MTBP: variants seen among roughly 807,000 people sequenced by gnomAD.
MTBP encodes the protein mdm2-binding protein.
MTBP carries 101 observed loss-of-function variants against 117.0 expected under a neutral mutation model. That is an observed-to-expected ratio of 0.86 (90% CI 0.73 to 1.02). The LOEUF (loss-of-function observed/expected upper bound fraction) is 1.02. Ranked by LOEUF, MTBP falls within the 50% of genes least tolerant of loss-of-function variation. The pLI is 0.00. For synonymous variants in MTBP, 350 were observed against 351.5 expected (o/e 1.00, Z 0.05); for missense variants, 970 against 1,030.9 (o/e 0.94, Z 0.81).
At chr8:120,494,470 C>T (rs1226333522) in intron 13 of MTBP, among the ~76,000 whole-genome samples, 1 of 152,184 alleles carries the variant, frequency 6.6e-6, no homozygotes, top group Non-Finnish European at 1.5e-5. Context: ...ACTACCCATG[C>T]CTCCCCATCT....
At chr8:120,487,968 C>T (rs1442030616) in intron 11 of MTBP, among the ~76,000 whole-genome samples, 191 bp from the exon 12 acceptor site, 1 of 152,122 alleles carries the variant, frequency 6.6e-6, no homozygotes, top group Non-Finnish European at 1.5e-5. Flanking sequence ...AAGATTTATG[C>T]TTTGTAATTG....
chr8:120,501,977 TG>T (rs1468284300), intron 14 of MTBP, among the ~76,000 whole-genome samples: 1 of 152,202 alleles, frequency 6.6e-6, no homozygotes, highest in Non-Finnish European at 1.5e-5. Context: ...AAGGTGTGTA[TG>T]TTTAACCATC....
At chr8:120,510,069 G>T (rs371287907) in intron 17 of MTBP, 40 bp downstream of exon 17, 7 of 1,316,460 alleles carry the variant, frequency 5.3e-6, no homozygotes, top group Non-Finnish European at 7.6e-6. Context: ...GTATGTTGTT[G>T]ATACAGCCTG....
rs1466793307 is a variant in MTBP, at chr8:120,497,549, T to G, written c.1604T>G (p.Leu535Ter). Residue 535 changes from leucine (L) to a stop codon, truncating the protein, a stop_gained, in exon 14 of 22, where the codon TTA becomes TGA. Coordinates refer to ENST00000305949, the MANE Select transcript of MTBP (RefSeq NM_022045.5). LOFTEE classifies it high-confidence loss of function. ...GACAAAATTAAAACCTTCAATATAT[T>G]AAATGGTAAGTTTTTTATTACTTTA... ...KMDKIKTFNI[L>*]NDFSPVEPNS... is the part of the protein sequence containing the mutation. 6.8e-7 allele frequency: 1 copy of G among 1,474,730 alleles called. No homozygotes were observed. The highest frequency in any genetic ancestry group is 2.0e-4 in the Middle Eastern group (1 of 5,098). The allele number at this position is 1,474,730 out of a possible 1,614,324, so 91.4% of individuals were successfully genotyped here. A position where few individuals can be genotyped will look rare whatever the true frequency, so the allele number is the denominator to read the frequency against.
At chr8:120,512,285 T>C (rs533405589) in intron 17 of MTBP, among the ~76,000 whole-genome samples, 12 of 152,276 alleles carry the variant, frequency 7.9e-5, no homozygotes, top group African/African-American at 2.6e-4. Flanking sequence ...TCTTCAGCCC[T>C]ATAAACACAC....
chr8:120,490,330 A>G, intron 12 of MTBP, 133 bp from the exon 13 acceptor site: 1 of 590,076 alleles, frequency 1.7e-6, no homozygotes, highest in Non-Finnish European at 2.9e-6. Context: ...GAAATATGTA[A>G]GGTCGAGAGA....
chr8:120,453,832 AC>A lies in MTBP; in HGVS notation c.426-12del, dbSNP rs765015386. On this transcript the variant is annotated splice_polypyrimidine_tract_variant and intron_variant, in intron 4 of 21. Coordinates refer to ENST00000305949, the MANE Select transcript of MTBP (RefSeq NM_022045.5). Reference sequence around the variant, plus strand: ...TTATGGGGTTTTCTTTCCCTAACTTACCCTTTTATTTTAGTCTCTATGAAGA... The same window carrying A: ...TTATGGGGTTTTCTTTCCCTAACTTACCTTTTATTTTAGTCTCTATGAAGA... 8 of 1,468,668 alleles carry A rather than the reference AC, an allele frequency of 5.4e-6. No homozygotes were observed. In the Middle Eastern group the frequency reaches 6.3e-4, roughly 115 times the overall value. 91.0% of individuals were successfully genotyped at this position (1,468,668 alleles called of 1,614,324 possible). A position where few individuals can be genotyped will look rare whatever the true frequency, so the allele number is the denominator to read the frequency against.
At chr8:120,474,907 G>A (rs1256045051) in intron 11 of MTBP, among the ~76,000 whole-genome samples, 1 of 152,024 alleles carries the variant, frequency 6.6e-6, no homozygotes, top group Non-Finnish European at 1.5e-5. Context: ...GTATGCAATA[G>A]TTATGGTATT....
chr8:120,485,725 A>G (rs1273401070), intron 11 of MTBP, among the ~76,000 whole-genome samples: 1 of 152,196 alleles, frequency 6.6e-6, no homozygotes, highest in African/African-American at 2.4e-5. Context: ...ATGACAATTT[A>G]GGTAATATAT....
intron 15 of MTBP, among the ~76,000 whole-genome samples, chr8:120,502,838 A>G (rs1466704632): frequency 6.6e-6 from 1 of 152,236 alleles, no homozygotes; most frequent in Non-Finnish European, 1.5e-5. Context: ...GTGTCATCAC[A>G]GTGAACATTT....
intron 9 of MTBP, among the ~76,000 whole-genome samples, chr8:120,462,769 G>A (rs1008384653): frequency 1.3e-5 from 2 of 152,138 alleles, no homozygotes; most frequent in African/African-American, 4.8e-5. Context: ...GAGTTCTTCA[G>A]ATAATGGGAT....
In MTBP at chr8:120,495,591, T is replaced by C. The variant is rs562282517; in HGVS notation, c.1448-1802T>C. Among the ~76,000 whole-genome samples the C allele has an allele frequency of 7.2e-5, 11 of 152,258 alleles. No individual in the cohort carries two copies. The East Asian group carries it at 2.1e-3, about 29-fold the overall frequency. On this transcript the variant is annotated intron_variant, in intron 13 of 21. Coordinates refer to ENST00000305949, the MANE Select transcript of MTBP (RefSeq NM_022045.5). ...GGAGCTCTGGAGCTCTTACTAGATATTGACTTTTCTGGACAGAATGCCTGA... is the reference window on the plus strand; with the variant it reads ...GGAGCTCTGGAGCTCTTACTAGATACTGACTTTTCTGGACAGAATGCCTGA...
At chr8:120,449,657 C>T (rs952853273) in intron 2 of MTBP, among the ~76,000 whole-genome samples, 2 of 152,072 alleles carry the variant, frequency 1.3e-5, no homozygotes, top group African/African-American at 4.8e-5. Context: ...CAAACTGAAT[C>T]CCAGTATTTA....
At chr8:120,495,214 G>A (rs1226741185) in intron 13 of MTBP, among the ~76,000 whole-genome samples, 1 of 152,004 alleles carries the variant, frequency 6.6e-6, no homozygotes, top group African/African-American at 2.4e-5. Context: ...TAAAATTCTA[G>A]GTTAAAAATC....
At chr8:120,481,497 G>A (rs1178266255) in intron 11 of MTBP, among the ~76,000 whole-genome samples, 2 of 152,170 alleles carry the variant, frequency 1.3e-5, no homozygotes, top group African/African-American at 2.4e-5. Flanking sequence ...GGCATGAAAA[G>A]TTTGGAGTGT....
intron 1 of MTBP, 26 bp downstream of exon 1, chr8:120,445,614 G>A: frequency 6.4e-7 from 1 of 1,569,020 alleles, no homozygotes; most frequent in Admixed American, 1.9e-5. Context: ...AGAAAGAGCG[G>A]GAACGGCTTG....
intron 2 of MTBP, among the ~76,000 whole-genome samples, chr8:120,450,442 A>G (rs932549055): frequency 1.3e-5 from 2 of 152,156 alleles, no homozygotes; most frequent in Non-Finnish European, 1.5e-5. Flanking sequence ...TTTTGAGTCT[A>G]ATTTCTATAC....
At chr8:120,518,170 A>C in intron 19 of MTBP, 70 bp downstream of exon 19, 2 of 1,474,322 alleles carry the variant, frequency 1.4e-6, no homozygotes. Context: ...ACTTTAAAAT[A>C]TATGTCTAAA....
At position 120,518,748 on chromosome 8, in the gene MTBP, T is replaced by C; in HGVS notation, c.2541T>C (p.Ile847=). Residue 847 remains isoleucine (I), a synonymous_variant, in exon 20 of 22, where the codon ATT becomes ATC. Coordinates refer to ENST00000305949, the MANE Select transcript of MTBP (RefSeq NM_022045.5). ...CTGAAACCCTGAAGAAACACAGTAT[T>C]ACCGAGACTCATGAATGTTTCACTG... ...VVTETLKKHS[I]TETHECFTAC... 6.2e-7 allele frequency: 1 copy of C among 1,611,988 alleles called. No homozygotes were observed. Among genetic ancestry groups the C allele is most frequent in the Non-Finnish European group, 8.5e-7 (1 of 1,178,636 alleles).
Sources: gnomAD v4.1 joint callset for allele counts (sites outside exome capture counted in the v4.1 genomes callset) on GRCh38, gnomAD v4.1.1 for gene constraint, MANE v1.5 for transcripts, NCBI Gene and HGNC (gene_info 2026-07-23, HGNC 2026-07-21) for gene names.